Variants in GID4 observed in about 807,000 individuals in gnomAD.
The protein encoded by GID4 is glucose-induced degradation protein 4 homolog.
Under a neutral mutation model 32.4 loss-of-function variants are expected in GID4, and 7 were observed. The ratio of observed to expected loss-of-function variants is 0.22; its 90% CI spans 0.12 to 0.41. GID4 has a LOEUF of 0.41. Among genes scored for constraint, GID4 ranks in the 10% least tolerant of loss-of-function variants. The pLI, the probability that GID4 is intolerant of heterozygous loss-of-function variation, is 1.00. For missense variants in GID4, 309 were observed against 400.0 expected (o/e 0.77, Z 1.94); for synonymous variants, 166 against 170.0 (o/e 0.98, Z 0.18).
intron 2 of GID4, among the ~76,000 whole-genome samples, chr17:18,045,732 TA>T (rs1054014524): frequency 2.7e-3 from 383 of 139,764 alleles, no homozygotes; most frequent in Non-Finnish European, 4.3e-3. Flanking sequence ...CTACTAAACA[TA>T]AAAAAAAAAA....
rs938422954 is a variant in GID4 at position 18,067,391 on chromosome 17, A to C, written c.*2148A>C. ...GCAAACACTGCTGTGTTCTAGACAA[A>C]CAACCCAAGTCCTATGGCAGGATTT... On this transcript the variant is annotated 3_prime_UTR_variant, in exon 6 of 6. Coordinates refer to ENST00000268719, the MANE Select transcript of GID4 (RefSeq NM_024052.5). 4.6e-5 allele frequency: 7 copies of C among 152,072 alleles called. No individual in the cohort carries two copies. The highest frequency in any genetic ancestry group is 7.4e-5 in the Non-Finnish European group (5 of 67,940). The allele number at this position is 152,072 out of a possible 1,614,324, so 9.4% of individuals were successfully genotyped here. A position where few individuals can be genotyped will look rare whatever the true frequency, so the allele number is the denominator to read the frequency against.
At position 18,058,272 on chromosome 17, in the gene GID4, TCTGCAAATACTGCA is replaced by T. The variant is rs573062727; in HGVS notation, c.607-592_607-579del. Among the ~76,000 whole-genome samples, 1,091 of 152,366 alleles carry T rather than the reference TCTGCAAATACTGCA, an allele frequency of 7.2e-3. 4 individuals carry two copies. Among genetic ancestry groups the T allele is most frequent in the Non-Finnish European group, 0.011 (762 of 68,034 alleles). On this transcript the variant is annotated intron_variant, in intron 3 of 5. Coordinates refer to ENST00000268719, the MANE Select transcript of GID4 (RefSeq NM_024052.5). ...TATAGGGGAGGATGTGTGTAGGTTA[TCTGCAAATACTGCA>T]CTGTTTTATATCTGGGACTTAAGCA...
intron 2 of GID4, among the ~76,000 whole-genome samples, chr17:18,047,256 G>A (rs898760958): frequency 1.6e-4 from 25 of 152,172 alleles, no homozygotes; most frequent in Admixed American, 1.6e-3. Context: ...TTGGGTTTGT[G>A]GTAGGAGAAA....
At chr17:18,045,291 A>T in intron 2 of GID4, 85 bp downstream of exon 2, 2 of 979,612 alleles carry the variant, frequency 2.0e-6, no homozygotes, top group Admixed American at 1.9e-5. Flanking sequence ...GGCGGTCTCA[A>T]CTCCTTGAGG....
intron 5 of GID4, among the ~76,000 whole-genome samples, chr17:18,062,814 G>A (rs369009908): frequency 9.9e-4 from 151 of 152,192 alleles, no homozygotes; most frequent in African/African-American, 3.4e-3. Context: ...AGTGGCTCAC[G>A]CATGTAATCC....
intron 1 of GID4, among the ~76,000 whole-genome samples, chr17:18,042,450 T>G (rs1206906792): frequency 5.3e-5 from 8 of 152,232 alleles, no homozygotes; most frequent in Non-Finnish European, 8.8e-5. Flanking sequence ...GTCCTCAAGG[T>G]TCATCCATAT....
Position 18,039,563 on chromosome 17 carries a change from C to T in GID4, c.99C>T (p.Leu33=). 1 of 1,303,752 alleles carries T rather than the reference C, an allele frequency of 7.7e-7. No homozygotes were observed. The highest frequency in any genetic ancestry group is 9.7e-7 in the Non-Finnish European group (1 of 1,030,404). The allele number at this position is 1,303,752 out of a possible 1,614,324, so 80.8% of individuals were successfully genotyped here. Residue 33 remains leucine (L), a synonymous_variant, in exon 1 of 6, where the codon CTC becomes CTT. Coordinates refer to ENST00000268719, the MANE Select transcript of GID4 (RefSeq NM_024052.5). This position sits in a 1 kb window ranked among gnomAD's most constrained non-coding sequence, Gnocchi z 5.3. ...CCCGGTGGCGGCCGGAGCGCTTGCT[C>T]CGCAGGCAGCGGGCGGGTGGTCGCC... ...PGSRWRPERL[L]RRQRAGGRPS...
intron 2 of GID4, among the ~76,000 whole-genome samples, chr17:18,049,974 C>T (rs576361295): frequency 2.4e-4 from 37 of 152,272 alleles, no homozygotes; most frequent in African/African-American, 8.2e-4. Flanking sequence ...CTTATAAGGG[C>T]AGTATTTGGT....
In GID4 at chr17:18,052,952, G is replaced by A. The variant is rs544099256; in HGVS notation, c.499-1175G>A. ...CTAAGACTACCTTCAGGGACCATTT[G>A]TATAGTTCATTACTAGAAGTTTCTC... On this transcript the variant is annotated intron_variant, in intron 2 of 5. Coordinates refer to ENST00000268719, the MANE Select transcript of GID4 (RefSeq NM_024052.5). Among the ~76,000 whole-genome samples, 3 of 144,190 alleles carry A rather than the reference G, an allele frequency of 2.1e-5. No individual in the cohort carries two copies. In the East Asian group the frequency reaches 6.2e-4, roughly 30 times the overall value. The allele number at this position is 144,190 out of a possible 152,430, so 94.6% of individuals were successfully genotyped here.
chr17:18,054,231 C>T lies in GID4; in HGVS notation c.603C>T (p.His201=). The change falls in exon 3 of 6, where the codon CAC becomes CAT. Residue 201 remains histidine, a synonymous_variant. Coordinates refer to ENST00000268719, the MANE Select transcript of GID4 (RefSeq NM_024052.5). The part of the protein sequence containing the change: ...WDADEDVDRK[H]WGKFLAFYQY... ...CAGATGAAGATGTTGATCGGAAACA[C>T]TGGGTGAGTAAATCTGATCTGTGCT... is the stretch of plus-strand genomic sequence containing the variant. 2 of 1,587,408 alleles carry T rather than the reference C, an allele frequency of 1.3e-6. No homozygotes were observed. Among genetic ancestry groups the T allele is most frequent in the Non-Finnish European group, 1.7e-6 (2 of 1,156,068 alleles).
intron 2 of GID4, among the ~76,000 whole-genome samples, chr17:18,049,476 G>A (rs765539389): frequency 1.2e-4 from 18 of 151,596 alleles, no homozygotes; most frequent in Non-Finnish European, 1.8e-4. Flanking sequence ...GTGTACATGC[G>A]CAGGTTTGAT....
chr17:18,039,410 GTGTGTGTCTGTGTGTGTTTGTGTGT>G lies in GID4; in HGVS notation c.-42_-18del, dbSNP rs1392018451. The G allele has an allele frequency of 8.1e-6, 10 of 1,233,092 alleles. No individual in the cohort carries two copies. In the East Asian group the frequency reaches 2.4e-4, roughly 29 times the overall value. 76.4% of individuals were successfully genotyped at this position (1,233,092 alleles called of 1,614,324 possible). A position where few individuals can be genotyped will look rare whatever the true frequency, so the allele number is the denominator to read the frequency against. On this transcript the variant is annotated 5_prime_UTR_variant, in exon 1 of 6. Coordinates refer to ENST00000268719, the MANE Select transcript of GID4 (RefSeq NM_024052.5). The surrounding 1 kb of genome is among the most constrained non-coding windows in gnomAD (Gnocchi z 5.3). ...GAGCCAATCGGAAGGGGCGGGGTGTGTGTGTGTCTGTGTGTGTTTGTGTGTTGTGTGTCTGTGAGTGTCTGTGTGT... is the reference window on the plus strand; with the variant it reads ...GAGCCAATCGGAAGGGGCGGGGTGTGTGTGTGTCTGTGAGTGTCTGTGTGT...
chr17:18,052,455 T>C (rs1233775538), intron 2 of GID4, among the ~76,000 whole-genome samples: 1 of 152,188 alleles, frequency 6.6e-6, no homozygotes, highest in Non-Finnish European at 1.5e-5. Flanking sequence ...AATGAGGTTT[T>C]TGATGCAGAA....
At chr17:18,062,120 G>T in intron 5 of GID4, 145 bp downstream of exon 5, 1 of 740,084 alleles carries the variant, frequency 1.4e-6, no homozygotes. Flanking sequence ...TTATTTCAGT[G>T]ATCTCAGTTG....
intron 2 of GID4, among the ~76,000 whole-genome samples, chr17:18,046,679 T>C (rs2044856312): frequency 6.6e-6 from 1 of 151,678 alleles, no homozygotes; most frequent in South Asian, 2.1e-4. Context: ...CCCAGCACTT[T>C]GGGAGGCTGA....
chr17:18,053,307 C>G (rs1214276528), intron 2 of GID4, among the ~76,000 whole-genome samples: 1 of 150,476 alleles, frequency 6.6e-6, no homozygotes, highest in Non-Finnish European at 1.5e-5. Context: ...GCCACCATGC[C>G]TGGCCAAAAT....
intron 2 of GID4, among the ~76,000 whole-genome samples, chr17:18,050,312 G>A (rs184133503): frequency 3.2e-4 from 49 of 152,272 alleles, no homozygotes; most frequent in Admixed American, 2.0e-3. Flanking sequence ...ATTGCAAAAC[G>A]GAGCTTTAAA....
chr17:18,064,745 C>T (rs537985133), intron 5 of GID4, among the ~76,000 whole-genome samples: 11 of 152,262 alleles, frequency 7.2e-5, no homozygotes, highest in East Asian at 1.9e-4. Context: ...AATTTTTCTA[C>T]GCTCTCTTTA....
In GID4 at chr17:18,039,668, G is replaced by C; in HGVS notation, c.204G>C (p.Ala68=). 1.5e-6 allele frequency: 2 copies of C among 1,370,554 alleles called. No individual in the cohort carries two copies. Among genetic ancestry groups the C allele is most frequent in the Non-Finnish European group, 1.9e-6 (2 of 1,062,126 alleles). The allele number at this position is 1,370,554 out of a possible 1,614,324, so 84.9% of individuals were successfully genotyped here. A position where few individuals can be genotyped will look rare whatever the true frequency, so the allele number is the denominator to read the frequency against. The part of the protein sequence containing the change: ...ATLLGSRAAA[A]VPLPLPPALA... ...TCCTCGGCTCCCGCGCGGCGGCGGCGGTTCCTCTCCCACTCCCCCCAGCCC... is the reference window on the plus strand; with the variant it reads ...TCCTCGGCTCCCGCGCGGCGGCGGCCGTTCCTCTCCCACTCCCCCCAGCCC... The change falls in exon 1 of 6, where the codon GCG becomes GCC. Residue 68 remains alanine, a synonymous_variant. Transcript: ENST00000268719. The surrounding 1 kb of genome is among the most constrained non-coding windows in gnomAD (Gnocchi z 5.3).
Sources: gnomAD v4.1 joint callset for allele counts (sites outside exome capture counted in the v4.1 genomes callset) on GRCh38, gnomAD v4.1.1 for gene constraint, Gnocchi (gnomAD v3.1) non-coding constraint, MANE v1.5 for transcripts, NCBI Gene and HGNC (gene_info 2026-07-23, HGNC 2026-07-21) for gene names.